SULT4A1: variants seen among roughly 807,000 people sequenced by gnomAD.
SULT4A1 encodes the protein sulfotransferase 4A1.
SULT4A1 carries 11 observed loss-of-function variants against 35.2 expected under a neutral mutation model. The observed-to-expected ratio is 0.31, with a 90% CI of 0.20 to 0.52. The LOEUF (loss-of-function observed/expected upper bound fraction) is 0.52. SULT4A1 is among the 20% of genes least tolerant of loss of function. SULT4A1 has a pLI of 0.97. For synonymous variants in SULT4A1, 152 were observed against 151.8 expected (o/e 1.00, Z -0.01); for missense variants, 271 against 383.7 (o/e 0.71, Z 2.45).
At chr22:43,860,050 C>A (rs2049448422) in intron 1 of SULT4A1, among the ~76,000 whole-genome samples, 1 of 152,296 alleles carries the variant, frequency 6.6e-6, no homozygotes, top group African/African-American at 2.4e-5. Context: ...CCTTAGCCAC[C>A]AGAAAGCCCC....
rs1300942161 is a variant in SULT4A1 at position 43,838,866 on chromosome 22, C to T, written c.508+1G>A. On this transcript the variant is annotated splice_donor_variant, in intron 4 of 6. Coordinates refer to ENST00000330884, the MANE Select transcript of SULT4A1 (RefSeq NM_014351.4). LOFTEE classifies it high-confidence loss of function. ...ACATGCCGCCAGGCTGCAACACTCA[C>T]GCTTATCATTCATAAACCTCCGGCA... The T allele has an allele frequency of 3.7e-6, 6 of 1,613,890 alleles. No homozygotes were observed. Among genetic ancestry groups the T allele is most frequent in the East Asian group, 2.2e-5 (1 of 44,900 alleles).
intron 1 of SULT4A1, among the ~76,000 whole-genome samples, chr22:43,851,655 C>T (rs1171347712): frequency 6.6e-6 from 1 of 152,168 alleles, no homozygotes; most frequent in Non-Finnish European, 1.5e-5. Context: ...ATCCTGAGAG[C>T]TGAGGAGAGG....
chr22:43,836,596 T>A (rs112591369), intron 4 of SULT4A1, among the ~76,000 whole-genome samples: 4 of 118,558 alleles, frequency 3.4e-5, no homozygotes, highest in African/African-American at 3.5e-5. Flanking sequence ...ACAGGGACCC[T>A]GTCTACACAG....
chr22:43,848,727 G>A (rs2063492050), intron 1 of SULT4A1, among the ~76,000 whole-genome samples: 1 of 152,346 alleles, frequency 6.6e-6, no homozygotes, highest in African/African-American at 2.4e-5. Context: ...TTGCAGAGCA[G>A]TGAGGGCAAA....
intron 1 of SULT4A1, among the ~76,000 whole-genome samples, chr22:43,842,372 AG>A (rs1452786577): frequency 6.6e-6 from 1 of 152,194 alleles, no homozygotes; most frequent in Non-Finnish European, 1.5e-5. Flanking sequence ...CCCATGATCC[AG>A]GAACTATCCT....
At chr22:43,848,582 C>G (rs933462080) in intron 1 of SULT4A1, among the ~76,000 whole-genome samples, 5 of 152,220 alleles carry the variant, frequency 3.3e-5, no homozygotes, top group Admixed American at 3.3e-4. Context: ...GGGGGCCACG[C>G]CTGGAGCTGG....
At chr22:43,844,557 C>T (rs2063459862) in intron 1 of SULT4A1, among the ~76,000 whole-genome samples, 1 of 152,216 alleles carries the variant, frequency 6.6e-6, no homozygotes, top group African/African-American at 2.4e-5. Context: ...AAAACCCTTC[C>T]GTAGCTTCCC....
chr22:43,843,356 A>G (rs1354778890), intron 1 of SULT4A1, among the ~76,000 whole-genome samples: 1 of 152,254 alleles, frequency 6.6e-6, no homozygotes, highest in Non-Finnish European at 1.5e-5. Flanking sequence ...CAGGAGGTAG[A>G]GGCTGCAGTG....
At chr22:43,844,189 G>GT (rs892992262) in intron 1 of SULT4A1, among the ~76,000 whole-genome samples, 7 of 152,202 alleles carry the variant, frequency 4.6e-5, no homozygotes, top group African/African-American at 1.4e-4. Context: ...ATACGCACAT[G>GT]TAAGATATAA....
chr22:43,853,806 A>C (rs2049370786), intron 1 of SULT4A1, among the ~76,000 whole-genome samples: 1 of 152,216 alleles, frequency 6.6e-6, no homozygotes, highest in Non-Finnish European at 1.5e-5. Flanking sequence ...CTGCACCTTC[A>C]GACAGAGCTG....
chr22:43,830,696 G>A (rs953189225), intron 5 of SULT4A1, among the ~76,000 whole-genome samples: 6 of 152,222 alleles, frequency 3.9e-5, no homozygotes, highest in Non-Finnish European at 7.3e-5. Flanking sequence ...CAAGATGACT[G>A]AGGATGAAGT....
intron 1 of SULT4A1, among the ~76,000 whole-genome samples, chr22:43,848,910 G>C (rs1328380817): frequency 1.3e-5 from 2 of 152,230 alleles, no homozygotes; most frequent in Admixed American, 6.5e-5. Context: ...CCAGTGACTC[G>C]AGCCAAACGC....
chr22:43,832,031 T>G (rs1346527417), intron 5 of SULT4A1, among the ~76,000 whole-genome samples: 1 of 152,172 alleles, frequency 6.6e-6, no homozygotes, highest in Non-Finnish European at 1.5e-5. Context: ...TACAGAGGCT[T>G]GGGGTGGTCA....
At chr22:43,835,452 T>C (rs1475346346) in intron 4 of SULT4A1, among the ~76,000 whole-genome samples, 1 of 152,156 alleles carries the variant, frequency 6.6e-6, no homozygotes, top group Non-Finnish European at 1.5e-5. Flanking sequence ...TAGAGACTCC[T>C]CTGCTGGGCC....
intron 1 of SULT4A1, among the ~76,000 whole-genome samples, chr22:43,846,582 G>A (rs972174162): frequency 2.0e-5 from 3 of 152,252 alleles, no homozygotes; most frequent in Non-Finnish European, 4.4e-5. Flanking sequence ...AAGGAAGGAA[G>A]TGGTCTGGCT....
intron 1 of SULT4A1, among the ~76,000 whole-genome samples, chr22:43,858,202 C>A (rs1247612827): frequency 6.6e-6 from 1 of 152,110 alleles, no homozygotes; most frequent in Non-Finnish European, 1.5e-5. Flanking sequence ...CACCCATAAT[C>A]CCAGGACTTT....
chr22:43,841,974 C>A, intron 1 of SULT4A1, 42 bp from the exon 2 acceptor site: 1 of 1,591,354 alleles, frequency 6.3e-7, no homozygotes, highest in Non-Finnish European at 8.6e-7. Context: ...CAGAGGAGGC[C>A]CACGCGCCCG....
At chr22:43,828,074 T>C (rs899485974) in intron 6 of SULT4A1, among the ~76,000 whole-genome samples, 1 of 152,196 alleles carries the variant, frequency 6.6e-6, no homozygotes, top group Non-Finnish European at 1.5e-5. Context: ...TGACCTATGT[T>C]GCGTTCCCAG....
At chr22:43,844,176 C>G (rs1189941137) in intron 1 of SULT4A1, among the ~76,000 whole-genome samples, 2 of 152,200 alleles carry the variant, frequency 1.3e-5, no homozygotes, top group African/African-American at 4.8e-5. Flanking sequence ...TTTTCTCCAA[C>G]TGATACGCAC....
Sources: gnomAD v4.1 joint callset for allele counts (sites outside exome capture counted in the v4.1 genomes callset) on GRCh38, gnomAD v4.1.1 for gene constraint, MANE v1.5 for transcripts, NCBI Gene and HGNC (gene_info 2026-07-23, HGNC 2026-07-21) for gene names.